Variants in WDFY2 observed in about 807,000 individuals in gnomAD.
WDFY2 encodes WD repeat and FYVE domain-containing protein 2.
Under a neutral mutation model 56.4 loss-of-function variants are expected in WDFY2, and 36 were observed. That is an observed-to-expected ratio of 0.64 (90% CI 0.49 to 0.84). The LOEUF (loss-of-function observed/expected upper bound fraction) is 0.84. Ranked by LOEUF, WDFY2 falls within the 40% of genes least tolerant of loss-of-function variation. WDFY2 has a pLI of 0.00. For missense variants in WDFY2, 444 were observed against 512.2 expected (o/e 0.87, Z 1.29); for synonymous variants, 176 against 183.7 (o/e 0.96, Z 0.34).
At chr13:51,667,485 G>A (rs1339404088) in intron 2 of WDFY2, among the ~76,000 whole-genome samples, 1 of 152,116 alleles carries the variant, frequency 6.6e-6, no homozygotes, top group African/African-American at 2.4e-5. Flanking sequence ...TTTTGGAGTT[G>A]GGGGAAAAGT....
At chr13:51,596,444 G>A (rs555321373) in intron 1 of WDFY2, among the ~76,000 whole-genome samples, 5 of 152,250 alleles carry the variant, frequency 3.3e-5, no homozygotes, top group African/African-American at 1.2e-4. Context: ...AGTTCGATGT[G>A]GATAGGATAG....
chr13:51,593,173 C>T (rs1301143250), intron 1 of WDFY2, among the ~76,000 whole-genome samples: 1 of 151,990 alleles, frequency 6.6e-6, no homozygotes, highest in Non-Finnish European at 1.5e-5. Context: ...TTTTAAGTGG[C>T]CTTATATTTT....
intron 5 of WDFY2, among the ~76,000 whole-genome samples, chr13:51,725,392 T>C (rs960523618): frequency 2.0e-5 from 3 of 152,146 alleles, no homozygotes; most frequent in African/African-American, 7.2e-5. Flanking sequence ...ATATTAAAAA[T>C]ACATAAAATT....
At chr13:51,663,746 C>G (rs895101198) in intron 2 of WDFY2, among the ~76,000 whole-genome samples, 1 of 151,992 alleles carries the variant, frequency 6.6e-6, no homozygotes, top group African/African-American at 2.4e-5. Context: ...AGAGGTTACT[C>G]GGTATTATTC....
intron 7 of WDFY2, among the ~76,000 whole-genome samples, chr13:51,742,887 T>C (rs935624848): frequency 1.3e-5 from 2 of 152,218 alleles, no homozygotes; most frequent in Non-Finnish European, 2.9e-5. Flanking sequence ...TTACCACATA[T>C]GAGAATTTTG....
At chr13:51,597,574 A>T (rs969323158) in intron 1 of WDFY2, among the ~76,000 whole-genome samples, 3 of 152,194 alleles carry the variant, frequency 2.0e-5, no homozygotes, top group African/African-American at 7.2e-5. Flanking sequence ...TTTGTTGCCT[A>T]GTAGTTCATG....
At chr13:51,731,136 C>T (rs942734354) in intron 6 of WDFY2, among the ~76,000 whole-genome samples, 1 of 152,162 alleles carries the variant, frequency 6.6e-6, no homozygotes, top group African/African-American at 2.4e-5. Context: ...AGGTGCATTC[C>T]GCAGGCCTGG....
At chr13:51,734,996 G>A in intron 6 of WDFY2, among the ~76,000 whole-genome samples, 1 of 152,322 alleles carries the variant, frequency 6.6e-6, no homozygotes. Flanking sequence ...TGGAATGCAG[G>A]GTAGCTGAAG....
intron 2 of WDFY2, among the ~76,000 whole-genome samples, chr13:51,661,854 C>T (rs773372751): frequency 1.3e-4 from 20 of 152,130 alleles, no homozygotes; most frequent in Non-Finnish European, 2.2e-4. Context: ...AAGATACTGT[C>T]GTACATTACA....
chr13:51,643,724 T>G (rs1955217442), intron 1 of WDFY2, among the ~76,000 whole-genome samples: 1 of 152,168 alleles, frequency 6.6e-6, no homozygotes, highest in African/African-American at 2.4e-5. Flanking sequence ...TCCTGCTACT[T>G]CCTTGTGGGT....
At chr13:51,640,140 T>C (rs1566331932) in intron 1 of WDFY2, among the ~76,000 whole-genome samples, 1 of 152,218 alleles carries the variant, frequency 6.6e-6, no homozygotes, top group East Asian at 1.9e-4. Context: ...TAAAGGATAT[T>C]AAATCAATTC....
At chr13:51,740,257 T>G (rs1952938042) in intron 7 of WDFY2, among the ~76,000 whole-genome samples, 2 of 152,224 alleles carry the variant, frequency 1.3e-5, no homozygotes, top group East Asian at 3.9e-4. Context: ...TTTCTCATGT[T>G]GGAGAACAGA....
chr13:51,643,817 AC>A (rs1320444068), intron 1 of WDFY2, among the ~76,000 whole-genome samples: 1 of 151,876 alleles, frequency 6.6e-6, no homozygotes, highest in African/African-American at 2.4e-5. Flanking sequence ...TATTTATATG[AC>A]CTTTTAAAAG....
chr13:51,765,810 A>G lies in WDFY2; in HGVS notation c.*6041A>G, dbSNP rs1214982521. 6.6e-6 allele frequency: 1 copy of G among 152,202 alleles called. No homozygotes were observed. The allele number at this position is 152,202 out of a possible 1,614,324, so 9.4% of individuals were successfully genotyped here. A position where few individuals can be genotyped will look rare whatever the true frequency, so the allele number is the denominator to read the frequency against. ...AAAAAAATTCTTTTTAAAGATGGTAAGGGTGGAAATTAATCATGGTACCAT... is the reference window on the plus strand; with the variant it reads ...AAAAAAATTCTTTTTAAAGATGGTAGGGGTGGAAATTAATCATGGTACCAT... On this transcript the variant is annotated 3_prime_UTR_variant, in exon 12 of 12. Transcript: ENST00000298125.
intron 1 of WDFY2, among the ~76,000 whole-genome samples, chr13:51,585,587 G>A (rs779952659): frequency 6.6e-6 from 1 of 152,206 alleles, no homozygotes; most frequent in Non-Finnish European, 1.5e-5. Context: ...CGCTTTAACT[G>A]AATTTCCTTG....
chr13:51,688,444 A>G (rs927453192), intron 3 of WDFY2, among the ~76,000 whole-genome samples: 1 of 152,166 alleles, frequency 6.6e-6, no homozygotes, highest in African/African-American at 2.4e-5. Context: ...GTGTGAGTCA[A>G]AAGATCAGTG....
In WDFY2 at chr13:51,765,883, A is replaced by AT. The variant is rs1953731319; in HGVS notation, c.*6114_*6115insT. 6.6e-6 allele frequency: 1 copy of AT among 152,222 alleles called. No individual in the cohort carries two copies. The allele number at this position is 152,222 out of a possible 1,614,324, so 9.4% of individuals were successfully genotyped here. A position where few individuals can be genotyped will look rare whatever the true frequency, so the allele number is the denominator to read the frequency against. ...AAATGTTTACCTTTACAAGTCAAGA[A>AT]GAGTATCTGACTTTCTTGGAAGTGT... On this transcript the variant is annotated 3_prime_UTR_variant, in exon 12 of 12. Transcript: ENST00000298125.
At chr13:51,757,687 GT>G in intron 10 of WDFY2, among the ~76,000 whole-genome samples, 1 of 151,454 alleles carries the variant, frequency 6.6e-6, no homozygotes, top group Middle Eastern at 3.4e-3. Flanking sequence ...TTTTTATTTT[GT>G]TTTGCTTGTT....
At chr13:51,631,167 G>A (rs1954945056) in intron 1 of WDFY2, among the ~76,000 whole-genome samples, 1 of 151,280 alleles carries the variant, frequency 6.6e-6, no homozygotes, top group Admixed American at 6.6e-5. Context: ...CGAGGCGGGA[G>A]GATCACTTGA....
Sources: gnomAD v4.1 joint callset for allele counts (sites outside exome capture counted in the v4.1 genomes callset) on GRCh38, gnomAD v4.1.1 for gene constraint, MANE v1.5 for transcripts, NCBI Gene and HGNC (gene_info 2026-07-23, HGNC 2026-07-21) for gene names.